The following NUDCD1 variants were observed in gnomAD, a reference collection of about 807,000 sequenced individuals.
NUDCD1 encodes nudC domain-containing protein 1.
Under a neutral mutation model 67.8 loss-of-function variants are expected in NUDCD1, and 60 were observed. That is an observed-to-expected ratio of 0.88 (90% CI 0.72 to 1.10). NUDCD1 has a LOEUF of 1.10. Among genes scored for constraint, NUDCD1 ranks in the 50% least tolerant of loss-of-function variants. The probability of loss-of-function intolerance (pLI) is 0.00; values close to 1 mark genes in which losing one functional copy is unlikely to be tolerated. For missense variants in NUDCD1, 643 were observed against 695.0 expected (o/e 0.93, Z 0.84); for synonymous variants, 244 against 230.8 (o/e 1.06, Z -0.52).
At chr8:109,306,175 C>T (rs992285691) in intron 2 of NUDCD1, among the ~76,000 whole-genome samples, 5 of 152,160 alleles carry the variant, frequency 3.3e-5, no homozygotes, top group Admixed American at 6.5e-5. Context: ...TCCAAACTAT[C>T]GTAGTGGATA....
At chr8:109,248,605 T>C (rs548058101) in intron 8 of NUDCD1, among the ~76,000 whole-genome samples, 83 of 152,070 alleles carry the variant, frequency 5.5e-4, no homozygotes, top group East Asian at 1.4e-3. Flanking sequence ...AGAGGGTGAC[T>C]AGGGTCAAGA....
chr8:109,297,952 A>C (rs946217061), intron 2 of NUDCD1, among the ~76,000 whole-genome samples: 1 of 152,186 alleles, frequency 6.6e-6, no homozygotes, highest in Admixed American at 6.5e-5. Flanking sequence ...ACTTAGATCT[A>C]TATATGCTAT....
In NUDCD1 at chr8:109,293,398, C is replaced by T; in HGVS notation, c.586G>A (p.Gly196Arg). The T allele has an allele frequency of 6.3e-7, 1 of 1,589,940 alleles. No individual in the cohort carries two copies. The highest frequency in any genetic ancestry group is 8.6e-7 in the Non-Finnish European group (1 of 1,168,218). The change falls in exon 4 of 10, where the codon GGA (glycine) becomes AGA (arginine). Residue 196 changes from glycine (G) to arginine (R), a missense_variant. Physicochemically the swap from Gly to Arg is moderately radical, Grantham distance 125 (BLOSUM62 -2). Coordinates refer to ENST00000239690, the MANE Select transcript of NUDCD1 (RefSeq NM_032869.4). The part of the protein sequence containing the change: ...RIEKEELDMK[G>R]SGFYVSLEWV... The stretch of plus-strand genomic sequence containing the variant: ...TCCAGAGAAACATAGAAACCACTTC[C>T]TTTCATATCCAATTCCTCTTTCTCT...
At chr8:109,307,897 A>C (rs1175484823) in intron 2 of NUDCD1, among the ~76,000 whole-genome samples, 1 of 152,260 alleles carries the variant, frequency 6.6e-6, no homozygotes, top group Admixed American at 6.5e-5. Flanking sequence ...TACAATGATA[A>C]AAGGCCTTGT....
Position 109,245,373 on chromosome 8 carries a change from A to G in NUDCD1, c.1408T>C (p.Ser470Pro), listed in dbSNP as rs1842260777. Residue 470 changes from serine to proline, a missense_variant, in exon 9 of 10, where the codon TCC becomes CCC. Physicochemically the swap from Ser to Pro is moderately conservative, Grantham distance 74. Coordinates refer to ENST00000239690, the MANE Select transcript of NUDCD1 (RefSeq NM_032869.4). ...TCCCACATATCATCTTGTTTGCTGG[A>G]GTGTGGTTGCCAGAGTAGGGCATCA... ...DVDALLWQPH[S>P]SKQDDMWEHI... 1.9e-6 allele frequency: 3 copies of G among 1,613,964 alleles called. No homozygotes were observed. Among genetic ancestry groups the G allele is most frequent in the Admixed American group, 3.3e-5 (2 of 60,006 alleles).
chr8:109,285,507 C>T lies in NUDCD1; in HGVS notation c.823+4244G>A, dbSNP rs1484464973. On this transcript the variant is annotated intron_variant, in intron 5 of 9. Transcript: ENST00000239690. ...TCCTGGGGAAGCAAGGTTAGTTTAA[C>T]ATATGCAAATCAATAAATGTGATTC... Among the ~76,000 whole-genome samples the T allele has an allele frequency of 2.0e-5, 3 of 152,152 alleles. No homozygotes were observed. The East Asian group carries it at 5.8e-4, about 29-fold the overall frequency.
intron 5 of NUDCD1, among the ~76,000 whole-genome samples, chr8:109,288,457 T>G (rs1260388060): frequency 6.6e-6 from 1 of 152,166 alleles, no homozygotes; most frequent in Non-Finnish European, 1.5e-5. Flanking sequence ...AATAGTAACA[T>G]TTATTCAGGA....
intron 1 of NUDCD1, 82 bp downstream of exon 1, chr8:109,333,811 G>A (rs1815877421): frequency 2.1e-6 from 3 of 1,455,060 alleles, no homozygotes; most frequent in East Asian, 2.3e-5. Context: ...CAGTCAGAAA[G>A]AAAGAAATTG....
chr8:109,241,164 A>G lies in NUDCD1; in HGVS notation c.*1845T>C, dbSNP rs977307321. 11 of 152,172 alleles carry G rather than the reference A, an allele frequency of 7.2e-5. No homozygotes were observed. Among genetic ancestry groups the G allele is most frequent in the African/African-American group, 2.4e-4 (10 of 41,460 alleles). The allele number at this position is 152,172 out of a possible 1,614,324, so 9.4% of individuals were successfully genotyped here. ...TATTCATCTTTTAACGTAGGTCAAC[A>G]TGCGACAATATTTAGGATTAATTAT... is the stretch of plus-strand genomic sequence containing the variant. On this transcript the variant is annotated 3_prime_UTR_variant, in exon 10 of 10. Transcript: ENST00000239690.
rs1277727275 is a variant in NUDCD1, at chr8:109,270,076, G to C, written c.1299+929C>G. Among the ~76,000 whole-genome samples, 2 of 81,818 alleles carry C rather than the reference G, an allele frequency of 2.4e-5. 1 individual carries two copies. Among genetic ancestry groups the C allele is most frequent in the Non-Finnish European group, 5.2e-5 (2 of 38,594 alleles). The allele number at this position is 81,818 out of a possible 152,430, so 53.7% of individuals were successfully genotyped here. On this transcript the variant is annotated intron_variant, in intron 8 of 9. Transcript: ENST00000239690. ...TTTGAGGTGGCGGGGGCGGGGGGGG[G>C]GGGGGGTGCCTTAAGGTGGGGTGTG...
intron 8 of NUDCD1, among the ~76,000 whole-genome samples, chr8:109,246,475 C>T (rs756670433): frequency 3.4e-4 from 51 of 152,152 alleles, no homozygotes; most frequent in Non-Finnish European, 6.6e-4. Context: ...TTTACTTAAA[C>T]GTACTGCTTA....
At chr8:109,317,715 A>G (rs1366881931) in intron 2 of NUDCD1, among the ~76,000 whole-genome samples, 1 of 152,214 alleles carries the variant, frequency 6.6e-6, no homozygotes. Context: ...AAAAAAAACT[A>G]GCCAGTGTTT....
Position 109,245,483 on chromosome 8 carries a change from T to G in NUDCD1, c.1300-2A>C, listed in dbSNP as rs1416419269. ...GTACTGGTTGCTTCCAAGATTCACCTAAAAAGTGATTTAAAAAAAAATTTA... is the reference window on the plus strand; with the variant it reads ...GTACTGGTTGCTTCCAAGATTCACCGAAAAAGTGATTTAAAAAAAAATTTA... On this transcript the variant is annotated splice_acceptor_variant, in intron 8 of 9. Coordinates refer to ENST00000239690, the MANE Select transcript of NUDCD1 (RefSeq NM_032869.4). LOFTEE classifies it high-confidence loss of function. 6.3e-7 allele frequency: 1 copy of G among 1,584,212 alleles called. No homozygotes were observed. The highest frequency in any genetic ancestry group is 2.3e-5 in the East Asian group (1 of 44,392).
chr8:109,282,601 C>A (rs1814473003), intron 5 of NUDCD1, among the ~76,000 whole-genome samples: 1 of 150,526 alleles, frequency 6.6e-6, no homozygotes, highest in African/African-American at 2.5e-5. Flanking sequence ...TCAAACACCA[C>A]ATGTTCTCAC....
chr8:109,257,946 T>C (rs1196349695), intron 8 of NUDCD1, among the ~76,000 whole-genome samples: 1 of 152,112 alleles, frequency 6.6e-6, no homozygotes, highest in African/African-American at 2.4e-5. Flanking sequence ...ACAAATTCAT[T>C]CCCCTCTCTG....
At chr8:109,303,543 C>T (rs954526964) in intron 2 of NUDCD1, among the ~76,000 whole-genome samples, 1 of 152,112 alleles carries the variant, frequency 6.6e-6, no homozygotes, top group Admixed American at 6.5e-5. Flanking sequence ...GTTAGTTATC[C>T]TCACCTGCCC....
At chr8:109,331,574 T>C (rs1035133734) in intron 1 of NUDCD1, among the ~76,000 whole-genome samples, 8 of 148,998 alleles carry the variant, frequency 5.4e-5, no homozygotes, top group Non-Finnish European at 1.2e-4. Context: ...CAGCTGTACA[T>C]CCCAAACACA....
Position 109,242,330 on chromosome 8 carries a change from C to T in NUDCD1, c.*679G>A. 2 of 393,112 alleles carry T rather than the reference C, an allele frequency of 5.1e-6. No individual in the cohort carries two copies. The highest frequency in any genetic ancestry group is 9.0e-6 in the Non-Finnish European group (2 of 222,812). The allele number at this position is 393,112 out of a possible 1,614,324, so 24.4% of individuals were successfully genotyped here. A position where few individuals can be genotyped will look rare whatever the true frequency, so the allele number is the denominator to read the frequency against. On this transcript the variant is annotated 3_prime_UTR_variant, in exon 10 of 10. Coordinates refer to ENST00000239690, the MANE Select transcript of NUDCD1 (RefSeq NM_032869.4). Reference sequence around the variant, plus strand: ...GGCCCTGTACAGCAGAGACAGCCAACTCACTGAATCGTGAAAAATAATAAA... The same window carrying T: ...GGCCCTGTACAGCAGAGACAGCCAATTCACTGAATCGTGAAAAATAATAAA...
chr8:109,274,465 T>C (rs1814230883), intron 7 of NUDCD1, among the ~76,000 whole-genome samples: 2 of 152,184 alleles, frequency 1.3e-5, no homozygotes, highest in Non-Finnish European at 2.9e-5. Context: ...TGAGCGAATA[T>C]AAGGCAATGC....
Sources: gnomAD v4.1 joint callset for allele counts (sites outside exome capture counted in the v4.1 genomes callset) on GRCh38, gnomAD v4.1.1 for gene constraint, MANE v1.5 for transcripts, NCBI Gene and HGNC (gene_info 2026-07-23, HGNC 2026-07-21) for gene names.